The following SAMM50 variants were observed in gnomAD, a reference collection of about 807,000 sequenced individuals.
The protein encoded by SAMM50 is sorting and assembly machinery component 50 homolog.
A neutral mutation model predicts 66.9 loss-of-function variants in SAMM50; 47 were observed. The ratio of observed to expected loss-of-function variants is 0.70; its 90% CI spans 0.56 to 0.90. The LOEUF (loss-of-function observed/expected upper bound fraction) is 0.90, where lower values mean the gene tolerates loss of function less well. Ranked by LOEUF, SAMM50 falls within the 40% of genes least tolerant of loss-of-function variation. The probability of loss-of-function intolerance (pLI) is 0.00; values close to 1 mark genes in which losing one functional copy is unlikely to be tolerated. For synonymous variants in SAMM50, 191 were observed against 214.1 expected, an observed-to-expected ratio of 0.89 and a Z score of 0.94; for missense variants, 535 against 595.3, an observed-to-expected ratio of 0.90 and a Z score of 1.05.
chr22:43,970,857 TAAAAAA>T (rs1432861086), intron 4 of SAMM50, among the ~76,000 whole-genome samples: 1 of 151,094 alleles, frequency 6.6e-6, no homozygotes, highest in Non-Finnish European at 1.5e-5. Flanking sequence ...AAATAAAAAA[TAAAAAA>T]AGAAAAAGAA....
At chr22:43,956,146 A>C (rs1281393977) in intron 1 of SAMM50, among the ~76,000 whole-genome samples, 2 of 152,218 alleles carry the variant, frequency 1.3e-5, no homozygotes, top group Non-Finnish European at 2.9e-5. Context: ...GAGAATTAAA[A>C]GACAATGCAT....
chr22:43,955,460 G>T lies in SAMM50; in HGVS notation c.-118G>T. The T allele has an allele frequency of 2.5e-6, 3 of 1,206,790 alleles. No homozygotes were observed. Among genetic ancestry groups the T allele is most frequent in the Non-Finnish European group, 3.6e-6 (3 of 842,570 alleles). 74.8% of individuals were successfully genotyped at this position (1,206,790 alleles called of 1,614,324 possible). ...CGCCCCCAGTGTTCCGCGTCCGGGG[G>T]TTTGTGGGAGTTGCCTTGACCTGCA... is the stretch of plus-strand genomic sequence containing the variant. On this transcript the variant is annotated 5_prime_UTR_variant, in exon 1 of 15. Transcript: ENST00000350028.
intron 1 of SAMM50, among the ~76,000 whole-genome samples, chr22:43,960,982 C>T (rs557394634): frequency 1.3e-5 from 2 of 152,190 alleles, no homozygotes; most frequent in East Asian, 1.9e-4. Flanking sequence ...GCAGGCCTTA[C>T]GGCAGAGTTC....
At chr22:43,963,917 A>ATTTTTTTTTTT (rs1381112918) in intron 2 of SAMM50, among the ~76,000 whole-genome samples, 1 of 150,220 alleles carries the variant, frequency 6.7e-6, no homozygotes, top group African/African-American at 2.5e-5. Context: ...TATTTTTAAA[A>ATTTTTTTTTTT]TTTTTTTTGA....
intron 1 of SAMM50, among the ~76,000 whole-genome samples, chr22:43,958,897 A>G (rs1304676267): frequency 8.5e-5 from 13 of 152,124 alleles, no homozygotes; most frequent in Non-Finnish European, 1.9e-4. Flanking sequence ...AGACTTTTTG[A>G]TCAAGACTCA....
chr22:43,959,584 G>C (rs936896733), intron 1 of SAMM50, among the ~76,000 whole-genome samples: 1 of 149,380 alleles, frequency 6.7e-6, no homozygotes, highest in Non-Finnish European at 1.5e-5. Flanking sequence ...GCCCAGGCTG[G>C]TCTCAAACTC....
In SAMM50 at chr22:43,992,929, T is replaced by G. The variant is rs368534992; in HGVS notation, c.1364+2523T>G. On this transcript the variant is annotated intron_variant, in intron 14 of 14. Coordinates refer to ENST00000350028, the MANE Select transcript of SAMM50 (RefSeq NM_015380.5). Reference sequence around the variant, plus strand: ...CATCCTGATTTTGGAGATAATAAAGTGAAAAAGTGGGCACCTTTTTCCAGA... The same window carrying G: ...CATCCTGATTTTGGAGATAATAAAGGGAAAAAGTGGGCACCTTTTTCCAGA... 3.9e-5 allele frequency among the ~76,000 whole-genome samples: 6 copies of G among 152,318 alleles called. No homozygotes were observed. In the East Asian group the frequency reaches 1.2e-3, roughly 29 times the overall value.
intron 1 of SAMM50, among the ~76,000 whole-genome samples, chr22:43,962,201 A>G (rs530889651): frequency 6.6e-6 from 1 of 152,358 alleles, no homozygotes; most frequent in African/African-American, 2.4e-5. Flanking sequence ...CATCTAACAC[A>G]AAGCCTATTT....
intron 1 of SAMM50, chr22:43,957,421 A>T (rs548816475): frequency 3.0e-6 from 1 of 336,470 alleles, no homozygotes. Context: ...TTAATGGTTA[A>T]TTGTAACTAC....
chr22:43,963,482 C>A, intron 2 of SAMM50, 86 bp downstream of exon 2: 1 of 749,306 alleles, frequency 1.3e-6, no homozygotes, highest in African/African-American at 1.8e-5. Flanking sequence ...AAGGAATTAA[C>A]CTGTTTCCGT....
chr22:43,990,164 C>A, intron 13 of SAMM50, 101 bp from the exon 14 acceptor site: 4 of 1,423,930 alleles, frequency 2.8e-6, no homozygotes, highest in South Asian at 2.6e-5. Flanking sequence ...TTAAAAACAA[C>A]TGCAGGGCCC....
intron 12 of SAMM50, chr22:43,986,939 G>A (rs1188071826): frequency 2.0e-5 from 3 of 152,182 alleles, no homozygotes; most frequent in African/African-American, 7.2e-5. Context: ...TTTGTCGAAA[G>A]TATAGATTAT....
intron 3 of SAMM50, among the ~76,000 whole-genome samples, chr22:43,965,946 C>G (rs1199790716): frequency 6.6e-6 from 1 of 152,164 alleles, no homozygotes; most frequent in Admixed American, 6.5e-5. Flanking sequence ...TCAAGCAATC[C>G]TCCCACCTCA....
chr22:43,989,339 C>CA, intron 13 of SAMM50, 82 bp downstream of exon 13: 10 of 987,296 alleles, frequency 1.0e-5, no homozygotes, highest in East Asian at 3.2e-5. Context: ...AGGTGTCTGT[C>CA]TTTTTTTTTT....
intron 7 of SAMM50, among the ~76,000 whole-genome samples, 169 bp downstream of exon 7, chr22:43,973,492 G>A (rs2050215035): frequency 6.6e-6 from 1 of 152,166 alleles, no homozygotes. Context: ...CAGGCTACAG[G>A]GACCCGAGAG....
chr22:43,986,124 C>A (rs6006599), intron 12 of SAMM50, among the ~76,000 whole-genome samples: 58,815 of 146,564 alleles, frequency 0.4, 13,264 homozygotes, highest in African/African-American at 0.6. Context: ...CTCACTGCAA[C>A]CTCCACCTCC....
intron 2 of SAMM50, 36 bp downstream of exon 2, chr22:43,963,432 A>C (rs1445549720): frequency 1.5e-6 from 2 of 1,332,842 alleles, no homozygotes; most frequent in South Asian, 2.4e-5. Flanking sequence ...TAGAATTGTT[A>C]GTGGAAACAT....
chr22:43,955,721 C>T (rs1364827672), intron 1 of SAMM50, 123 bp downstream of exon 1: 28 of 1,110,020 alleles, frequency 2.5e-5, no homozygotes, highest in African/African-American at 7.9e-5. Flanking sequence ...CCAAGGGTGC[C>T]GGGCTGGGTG....
At chr22:43,955,643 C>G (rs1267689601) in intron 1 of SAMM50, 45 bp downstream of exon 1, 1 of 1,555,958 alleles carries the variant, frequency 6.4e-7, no homozygotes, top group African/African-American at 1.4e-5. Flanking sequence ...TCTGGGCCAG[C>G]AGGGCAGACG....
Sources: allele counts gnomAD v4.1 joint callset (sites outside exome capture counted in the v4.1 genomes callset), GRCh38; gene constraint gnomAD v4.1.1; transcripts MANE v1.5; gene names NCBI Gene and HGNC (gene_info 2026-07-23, HGNC 2026-07-21).